Variants in ERBB4 observed in about 807,000 individuals in gnomAD.
ERBB4 encodes erb-b2 receptor tyrosine kinase 4.
In ERBB4, 42 loss-of-function variants were observed where a neutral mutation model predicts 158.0. That is an observed-to-expected ratio of 0.27 (90% CI 0.21 to 0.34). ERBB4 has a LOEUF of 0.34. ERBB4 is among the 10% of genes least tolerant of loss of function. The probability of loss-of-function intolerance (pLI) is 1.00; values close to 1 mark genes in which losing one functional copy is unlikely to be tolerated. For missense variants in ERBB4, 1,333 were observed against 1,624.1 expected (o/e 0.82, Z 3.08); for synonymous variants, 583 against 558.7 (o/e 1.04, Z -0.61).
intron 1 of ERBB4, among the ~76,000 whole-genome samples, chr2:212,527,973 G>A (rs563116992): frequency 2.5e-4 from 38 of 150,418 alleles, no homozygotes; most frequent in African/African-American, 6.1e-4. Flanking sequence ...TTGTCCTTGC[G>A]ACAGTTTACT....
chr2:212,205,435 T>C (rs569419835), intron 1 of ERBB4, among the ~76,000 whole-genome samples: 38 of 152,330 alleles, frequency 2.5e-4, no homozygotes, highest in African/African-American at 9.1e-4. Flanking sequence ...GTAAAAGCAC[T>C]AGGTATTATA....
chr2:212,468,145 A>G (rs1688932449), intron 1 of ERBB4, among the ~76,000 whole-genome samples: 1 of 152,166 alleles, frequency 6.6e-6, no homozygotes, highest in Admixed American at 6.5e-5. Context: ...ACAGGCTCAT[A>G]GGCAGAAGGT....
chr2:211,572,500 T>C (rs2067759578), intron 19 of ERBB4, among the ~76,000 whole-genome samples: 1 of 152,132 alleles, frequency 6.6e-6, no homozygotes, highest in South Asian at 2.1e-4. Context: ...TGGCTTTCAT[T>C]TGGGTTCAGC....
chr2:212,088,018 C>T (rs1254488351), intron 2 of ERBB4, among the ~76,000 whole-genome samples: 1 of 152,076 alleles, frequency 6.6e-6, no homozygotes. Context: ...TTATTTGTTG[C>T]TATTGTTCTT....
At chr2:212,207,540 T>C (rs908168120) in intron 1 of ERBB4, among the ~76,000 whole-genome samples, 4 of 152,190 alleles carry the variant, frequency 2.6e-5, no homozygotes. Flanking sequence ...CTGATCTAAG[T>C]TAATGTTATT....
intron 1 of ERBB4, among the ~76,000 whole-genome samples, chr2:212,283,064 T>C (rs927008134): frequency 7.9e-5 from 12 of 151,852 alleles, no homozygotes; most frequent in Non-Finnish European, 1.6e-4. Flanking sequence ...CTAATCTTAC[T>C]GATCATTTCA....
intron 1 of ERBB4, among the ~76,000 whole-genome samples, chr2:212,219,201 A>T (rs1311034110): frequency 1.3e-5 from 2 of 151,464 alleles, no homozygotes; most frequent in Admixed American, 6.6e-5. Context: ...ATTTTAAAAA[A>T]TTGGTAAATG....
intron 17 of ERBB4, 123 bp from the exon 18 acceptor site, chr2:211,624,167 G>T (rs2069747279): frequency 3.3e-6 from 4 of 1,220,520 alleles, no homozygotes; most frequent in Admixed American, 3.7e-5. Context: ...AACTTGGTTT[G>T]CCTTGACAAC....
At chr2:211,487,005 T>G (rs2065222352) in intron 20 of ERBB4, among the ~76,000 whole-genome samples, 1 of 152,038 alleles carries the variant, frequency 6.6e-6, no homozygotes, top group African/African-American at 2.4e-5. Context: ...TTTGTAGTTT[T>G]TTTTATTATA....
chr2:211,730,419 T>C (rs1015909671), intron 5 of ERBB4, among the ~76,000 whole-genome samples: 2 of 152,020 alleles, frequency 1.3e-5, no homozygotes, highest in Non-Finnish European at 2.9e-5. Flanking sequence ...TCTTTGTGTC[T>C]TTTTACACTC....
At chr2:212,410,431 A>C (rs2091464123) in intron 1 of ERBB4, among the ~76,000 whole-genome samples, 1 of 152,044 alleles carries the variant, frequency 6.6e-6, no homozygotes, top group Non-Finnish European at 1.5e-5. Flanking sequence ...TGTATGTATA[A>C]ATATGGATTT....
intron 1 of ERBB4, among the ~76,000 whole-genome samples, chr2:212,302,496 C>T (rs2086658773): frequency 6.6e-6 from 1 of 151,330 alleles, no homozygotes; most frequent in Non-Finnish European, 1.5e-5. Context: ...TACAAGCCAT[C>T]AAAATAAGGG....
chr2:211,549,488 G>C (rs547678631), intron 20 of ERBB4, among the ~76,000 whole-genome samples: 1 of 152,102 alleles, frequency 6.6e-6, no homozygotes, highest in African/African-American at 2.4e-5. Flanking sequence ...TGGATATCCA[G>C]GCCCTGGAGG....
At chr2:212,233,746 C>A (rs1319039981) in intron 1 of ERBB4, among the ~76,000 whole-genome samples, 11 of 151,926 alleles carry the variant, frequency 7.2e-5, no homozygotes, top group Admixed American at 7.2e-4. Context: ...AATTTTATAG[C>A]AGGTTTGGCC....
At chr2:212,215,377 AAG>A (rs1216304891) in intron 1 of ERBB4, among the ~76,000 whole-genome samples, 1 of 151,530 alleles carries the variant, frequency 6.6e-6, no homozygotes, top group Non-Finnish European at 1.5e-5. Context: ...TGAAAAGTCT[AAG>A]AGAATCATTT....
intron 1 of ERBB4, among the ~76,000 whole-genome samples, chr2:212,294,119 A>G (rs939663103): frequency 6.6e-5 from 10 of 152,044 alleles, no homozygotes; most frequent in African/African-American, 2.4e-4. Context: ...AATAAAATAA[A>G]GCTAATTTCC....
intron 1 of ERBB4, among the ~76,000 whole-genome samples, chr2:212,293,859 CA>C (rs58955695): frequency 5.1e-5 from 5 of 97,558 alleles, no homozygotes; most frequent in East Asian, 2.9e-4. Flanking sequence ...AAAAAAAAAA[CA>C]AAAAAAAAAA....
At chr2:211,964,837 C>T (rs554836318) in intron 2 of ERBB4, among the ~76,000 whole-genome samples, 2 of 152,202 alleles carry the variant, frequency 1.3e-5, no homozygotes, top group South Asian at 4.1e-4. Flanking sequence ...ATTGAAAACA[C>T]TAGAAATACT....
chr2:211,752,004 T>C (rs1339850226), intron 4 of ERBB4, among the ~76,000 whole-genome samples: 2 of 152,296 alleles, frequency 1.3e-5, no homozygotes, highest in East Asian at 3.9e-4. Context: ...TGTGAAGTAT[T>C]GCCGCTGACA....
Sources: allele counts gnomAD v4.1 joint callset (sites outside exome capture counted in the v4.1 genomes callset), GRCh38; gene constraint gnomAD v4.1.1; transcripts MANE v1.5; gene names NCBI Gene and HGNC (gene_info 2026-07-23, HGNC 2026-07-21).